The following GPC1 variants were observed in gnomAD, a reference collection of about 807,000 sequenced individuals.
GPC1 encodes glypican 1, also known as glypican-1.
Under a neutral mutation model 51.5 loss-of-function variants are expected in GPC1, and 26 were observed. The ratio of observed to expected loss-of-function variants is 0.50; its 90% CI spans 0.37 to 0.70. The LOEUF (loss-of-function observed/expected upper bound fraction) is 0.70, where lower values mean the gene tolerates loss of function less well. Among genes scored for constraint, GPC1 ranks in the 30% least tolerant of loss-of-function variants. The pLI, the probability that GPC1 is intolerant of heterozygous loss-of-function variation, is 0.00. For synonymous variants in GPC1, 380 were observed against 348.3 expected (o/e 1.09, Z -1.01); for missense variants, 775 against 800.5 (o/e 0.97, Z 0.38).
At chr2:240,465,338 C>G in intron 7 of GPC1, 128 bp downstream of exon 7, 4 of 1,341,126 alleles carry the variant, frequency 3.0e-6, no homozygotes, top group Non-Finnish European at 4.1e-6. Flanking sequence ...TTCTCTGCGG[C>G]CTGTGTGGGC....
At chr2:240,449,903 C>T (rs1194020540) in intron 1 of GPC1, 3 of 470,578 alleles carry the variant, frequency 6.4e-6, no homozygotes, top group Admixed American at 2.3e-5. Flanking sequence ...ACGGATTAAT[C>T]CTATTCCATT....
chr2:240,463,215 C>T (rs1377037505), intron 3 of GPC1, 132 bp from the exon 4 acceptor site: 7 of 712,428 alleles, frequency 9.8e-6, no homozygotes, highest in African/African-American at 3.6e-5. Context: ...GCGACCACCA[C>T]GAGCTGGGGC....
chr2:240,437,839 C>T (rs1276809783), intron 1 of GPC1, among the ~76,000 whole-genome samples: 3 of 152,218 alleles, frequency 2.0e-5, no homozygotes, highest in African/African-American at 7.2e-5. Context: ...TAGGAGCCAA[C>T]CTAACCTTCC....
At chr2:240,440,893 TG>T (rs1394137727) in intron 1 of GPC1, among the ~76,000 whole-genome samples, 10 of 152,176 alleles carry the variant, frequency 6.6e-5, no homozygotes, top group Non-Finnish European at 1.5e-4. Context: ...CCACTGCCTG[TG>T]GGGGGCAGGA....
At chr2:240,456,096 C>G in intron 1 of GPC1, 2 of 300,002 alleles carry the variant, frequency 6.7e-6, no homozygotes, top group Non-Finnish European at 6.7e-6. Flanking sequence ...TGGAACAACG[C>G]AGGTCGCCGG....
intron 1 of GPC1, chr2:240,456,619 T>C (rs2074166981): frequency 2.1e-6 from 1 of 470,696 alleles, no homozygotes; most frequent in Non-Finnish European, 4.4e-6. Flanking sequence ...GGCTGACCTG[T>C]GCTCTCCTGG....
intron 1 of GPC1, among the ~76,000 whole-genome samples, chr2:240,439,339 C>T (rs1338688542): frequency 1.3e-5 from 2 of 152,114 alleles, no homozygotes; most frequent in African/African-American, 4.8e-5. Flanking sequence ...AGCAGACACC[C>T]CTGTTCTCAG....
chr2:240,464,123 C>T (rs866506166), intron 4 of GPC1: 2 of 217,860 alleles, frequency 9.2e-6, no homozygotes, highest in South Asian at 8.1e-5. Flanking sequence ...TGTGTGCTAA[C>T]GTGATGGGAG....
intron 7 of GPC1, 116 bp from the exon 8 acceptor site, chr2:240,465,357 G>T: frequency 7.4e-7 from 1 of 1,346,452 alleles, no homozygotes. Flanking sequence ...GCTCTGCTCG[G>T]TCCCTGGAAG....
At chr2:240,443,425 C>G (rs928670976) in intron 1 of GPC1, among the ~76,000 whole-genome samples, 1 of 152,194 alleles carries the variant, frequency 6.6e-6, no homozygotes, top group South Asian at 2.1e-4. Context: ...CGAGGAGGCC[C>G]GCTGCTCTCT....
At chr2:240,454,276 AGTGAGG>A (rs941520561) in intron 1 of GPC1, among the ~76,000 whole-genome samples, 5 of 152,084 alleles carry the variant, frequency 3.3e-5, no homozygotes, top group African/African-American at 1.2e-4. Flanking sequence ...ATGGGGCAAA[AGTGAGG>A]AAAAGATCCT....
intron 1 of GPC1, among the ~76,000 whole-genome samples, chr2:240,456,925 C>T (rs2074170257): frequency 6.6e-6 from 1 of 152,162 alleles, no homozygotes; most frequent in Admixed American, 6.5e-5. Context: ...TACTAGGCCC[C>T]AGGGCTCTCA....
At chr2:240,458,040 G>A (rs1411542231) in intron 1 of GPC1, 6 of 470,754 alleles carry the variant, frequency 1.3e-5, no homozygotes, top group African/African-American at 2.0e-5. Context: ...GTGTGGCCCC[G>A]TCAGTGTGGA....
rs928787479 is a variant in GPC1 at position 240,466,462 on chromosome 2, C to G, written c.*172C>G. The G allele has an allele frequency of 5.2e-6, 3 of 581,674 alleles. No homozygotes were observed. Among genetic ancestry groups the G allele is most frequent in the Non-Finnish European group, 9.2e-6 (3 of 325,982 alleles). The allele number at this position is 581,674 out of a possible 1,614,324, so 36.0% of individuals were successfully genotyped here. ...CAGCCCCAGGCCTGGCCTCGCCTGC[C>G]TTTCTGCCTTTTAATTTTGTATGAG... On this transcript the variant is annotated 3_prime_UTR_variant, in exon 9 of 9. Transcript: ENST00000264039.
chr2:240,437,967 G>C (rs967280250), intron 1 of GPC1, among the ~76,000 whole-genome samples: 1 of 152,240 alleles, frequency 6.6e-6, no homozygotes, highest in Admixed American at 6.5e-5. Flanking sequence ...GGCTGGGCCA[G>C]AGAGTGTGGG....
intron 1 of GPC1, chr2:240,451,255 G>A (rs1282844788): frequency 2.1e-6 from 1 of 471,164 alleles, no homozygotes; most frequent in South Asian, 1.5e-5. Context: ...TCACGGGGCA[G>A]ATGGACGGGC....
intron 2 of GPC1, among the ~76,000 whole-genome samples, chr2:240,460,343 C>T (rs1439411351): frequency 1.3e-5 from 2 of 152,154 alleles, no homozygotes; most frequent in Non-Finnish European, 1.5e-5. Flanking sequence ...AGCCCCTGCA[C>T]CCTGAGTCAG....
At chr2:240,458,712 G>A (rs2151795152) in intron 1 of GPC1, 1 of 323,364 alleles carries the variant, frequency 3.1e-6, no homozygotes, top group South Asian at 7.6e-5. Context: ...TTGCACACAG[G>A]AACCTGAGGC....
At chr2:240,441,382 C>T (rs917377815) in intron 1 of GPC1, among the ~76,000 whole-genome samples, 2 of 122,100 alleles carry the variant, frequency 1.6e-5, no homozygotes, top group Non-Finnish European at 4.0e-5. Flanking sequence ...CCACATCTGC[C>T]GTGCCCGGGC....
Sources: allele counts gnomAD v4.1 joint callset (sites outside exome capture counted in the v4.1 genomes callset), GRCh38; gene constraint gnomAD v4.1.1; transcripts MANE v1.5; gene names NCBI Gene and HGNC (gene_info 2026-07-23, HGNC 2026-07-21).